DAPK1: variants seen among roughly 807,000 people sequenced by gnomAD.
The protein encoded by DAPK1 is death-associated protein kinase 1.
DAPK1 carries 56 observed loss-of-function variants against 144.9 expected under a neutral mutation model. The observed-to-expected ratio is 0.39, with a 90% confidence interval of 0.31 to 0.48. The LOEUF (loss-of-function observed/expected upper bound fraction) is 0.48. DAPK1 is among the 20% of genes least tolerant of loss of function. DAPK1 has a pLI of 0.95. For synonymous variants in DAPK1, 690 were observed against 749.0 expected (o/e 0.92, Z 1.29); for missense variants, 1,454 against 1,875.4 (o/e 0.78, Z 4.15).
intron 2 of DAPK1, among the ~76,000 whole-genome samples, chr9:87,539,463 T>C (rs1825966694): frequency 7.2e-6 from 1 of 139,572 alleles, no homozygotes; most frequent in South Asian, 2.3e-4. Context: ...AGAGTCTCGC[T>C]CTGTCACCCA....
At chr9:87,552,580 C>T (rs1273795057) in intron 2 of DAPK1, among the ~76,000 whole-genome samples, 1 of 151,738 alleles carries the variant, frequency 6.6e-6, no homozygotes, top group Non-Finnish European at 1.5e-5. Flanking sequence ...GTATAATGCA[C>T]GTGCTTTAAA....
intron 3 of DAPK1, among the ~76,000 whole-genome samples, chr9:87,609,707 G>A (rs1402479128): frequency 6.6e-6 from 1 of 152,172 alleles, no homozygotes; most frequent in Admixed American, 6.5e-5. Context: ...GGGGTGGTTA[G>A]GGAGAGAATC....
intron 16 of DAPK1, chr9:87,650,431 C>T: frequency 6.8e-6 from 2 of 296,268 alleles, no homozygotes; most frequent in Non-Finnish European, 1.3e-5. Context: ...TCATTGAGGA[C>T]TGACATTGGC....
chr9:87,664,610 C>T (rs1276264807), intron 18 of DAPK1, among the ~76,000 whole-genome samples: 1 of 152,210 alleles, frequency 6.6e-6, no homozygotes, highest in African/African-American at 2.4e-5. Context: ...CTATTGGAAT[C>T]GTATCCGGAT....
intron 2 of DAPK1, among the ~76,000 whole-genome samples, chr9:87,558,581 C>T (rs530133491): frequency 5.9e-5 from 9 of 152,282 alleles, no homozygotes; most frequent in East Asian, 1.9e-4. Context: ...ACGTCCCTTT[C>T]GACGAAAACG....
chr9:87,646,377 G>A (rs1381251953), intron 12 of DAPK1, 84 bp from the exon 13 acceptor site: 3 of 970,492 alleles, frequency 3.1e-6, no homozygotes, highest in Non-Finnish European at 3.3e-6. Context: ...ACAGGGGAAG[G>A]TGTGTGGTAA....
At chr9:87,662,772 A>G (rs1388982483) in intron 18 of DAPK1, among the ~76,000 whole-genome samples, 2 of 152,004 alleles carry the variant, frequency 1.3e-5, no homozygotes, top group African/African-American at 4.8e-5. Context: ...ATCAGTGAAC[A>G]GGGATAATTT....
intron 3 of DAPK1, among the ~76,000 whole-genome samples, chr9:87,609,262 C>G (rs1222911670): frequency 1.3e-5 from 2 of 152,224 alleles, no homozygotes; most frequent in African/African-American, 4.8e-5. Context: ...TGCCGACTCA[C>G]CTGGCAGATT....
intron 21 of DAPK1, among the ~76,000 whole-genome samples, chr9:87,692,203 T>A (rs1054487353): frequency 1.3e-5 from 2 of 151,798 alleles, no homozygotes; most frequent in Non-Finnish European, 2.9e-5. Flanking sequence ...TTATATCTTC[T>A]TGCTGAATTG....
At position 87,497,972 on chromosome 9, in the gene DAPK1, C is replaced by T. The variant is rs1033551030; in HGVS notation, c.-244C>T. The T allele has an allele frequency of 7.6e-6, 3 of 397,026 alleles. No individual in the cohort carries two copies. The highest frequency in any genetic ancestry group is 1.3e-5 in the Non-Finnish European group (3 of 225,504). 24.6% of individuals were successfully genotyped at this position (397,026 alleles called of 1,614,324 possible). On this transcript the variant is annotated 5_prime_UTR_variant, in exon 1 of 26. Coordinates refer to ENST00000408954, the MANE Select transcript of DAPK1 (RefSeq NM_004938.4). ...GCAGCGGCAGGGTCTGGGGCCGGCG[C>T]CTGGGAGGGATCTGCGCCCCCCACT...
intron 2 of DAPK1, among the ~76,000 whole-genome samples, chr9:87,525,063 CAA>C (rs1825439993): frequency 6.6e-6 from 1 of 152,150 alleles, no homozygotes; most frequent in Admixed American, 6.5e-5. Context: ...AAAACAGAAA[CAA>C]AAACCGAACA....
At chr9:87,524,304 C>T (rs148833494) in intron 2 of DAPK1, among the ~76,000 whole-genome samples, 1 of 152,354 alleles carries the variant, frequency 6.6e-6, no homozygotes, top group Non-Finnish European at 1.5e-5. Flanking sequence ...ACAGCTGGAC[C>T]TGAGAGTCAG....
rs1361960057 is a variant in DAPK1 at position 87,571,464 on chromosome 9, CACACACACACCA to C, written c.63-33479_63-33468del. 1.0e-3 allele frequency among the ~76,000 whole-genome samples: 65 copies of C among 62,694 alleles called. 1 individual carries two copies. Among genetic ancestry groups the C allele is most frequent in the South Asian group, 2.3e-3 (4 of 1,744 alleles). 41.1% of individuals were successfully genotyped at this position (62,694 alleles called of 152,430 possible). A position where few individuals can be genotyped will look rare whatever the true frequency, so the allele number is the denominator to read the frequency against. On this transcript the variant is annotated intron_variant, in intron 2 of 25. Coordinates refer to ENST00000408954, the MANE Select transcript of DAPK1 (RefSeq NM_004938.4). ...ACACACACACACACACACACACACACACACACACACCAACACACACACACACACACCCCAACA... is the reference window on the plus strand; with the variant it reads ...ACACACACACACACACACACACACACACACACACACACACACACCCCAACA...
Position 87,686,347 on chromosome 9 carries a change from A to C in DAPK1, c.2225-204A>C, listed in dbSNP as rs1381159143. On this transcript the variant is annotated intron_variant, in intron 20 of 25. Coordinates refer to ENST00000408954, the MANE Select transcript of DAPK1 (RefSeq NM_004938.4). This position sits in a 1 kb window ranked among gnomAD's most constrained non-coding sequence, Gnocchi z 4.2. ...GGGCGGGGCAGAAAAGGTTGTGGGG[A>C]GGTAGAGCAAGCGGAAAAGCCCACA... Among the ~76,000 whole-genome samples the C allele has an allele frequency of 6.6e-6, 1 of 152,038 alleles. No individual in the cohort carries two copies. The highest frequency in any genetic ancestry group is 2.4e-5 in the African/African-American group (1 of 41,386).
chr9:87,570,484 A>AG (rs1386808074), intron 2 of DAPK1, among the ~76,000 whole-genome samples: 1 of 152,210 alleles, frequency 6.6e-6, no homozygotes, highest in Non-Finnish European at 1.5e-5. Flanking sequence ...TATTACCCCC[A>AG]GGTTGGGACA....
intron 17 of DAPK1, among the ~76,000 whole-genome samples, chr9:87,652,185 G>C (rs1471868012): frequency 7.2e-6 from 1 of 138,932 alleles, no homozygotes; most frequent in Admixed American, 7.0e-5. Context: ...CCCAGGTCCT[G>C]ATTCTGTGTC....
chr9:87,633,107 A>G (rs1032648644), intron 3 of DAPK1: 15 of 982,486 alleles, frequency 1.5e-5, no homozygotes, highest in East Asian at 1.1e-4. Context: ...GGATGAGTAC[A>G]TATGTAGAAA....
intron 21 of DAPK1, among the ~76,000 whole-genome samples, chr9:87,689,667 G>A (rs1157856377): frequency 1.3e-5 from 2 of 152,044 alleles, no homozygotes; most frequent in African/African-American, 4.8e-5. Context: ...AATCCATCTT[G>A]AGTTGATTTT....
chr9:87,663,912 C>T (rs781447362), intron 18 of DAPK1, among the ~76,000 whole-genome samples: 2 of 152,018 alleles, frequency 1.3e-5, no homozygotes, highest in Non-Finnish European at 2.9e-5. Flanking sequence ...TTGCATCTAG[C>T]CGGCAGCCTA....
Sources: allele counts gnomAD v4.1 joint callset (sites outside exome capture counted in the v4.1 genomes callset), GRCh38; gene constraint gnomAD v4.1.1; non-coding constraint Gnocchi (gnomAD v3.1); transcripts MANE v1.5; gene names NCBI Gene and HGNC (gene_info 2026-07-23, HGNC 2026-07-21).